TDP1: variants seen among roughly 807,000 people sequenced by gnomAD.
TDP1 encodes tyr-DNA phosphodiesterase 1.
TDP1 carries 64 observed loss-of-function variants against 81.5 expected under a neutral mutation model. The observed-to-expected ratio is 0.79, with a 90% CI of 0.64 to 0.97. The LOEUF (loss-of-function observed/expected upper bound fraction) is 0.97, where lower values mean the gene tolerates loss of function less well. Ranked by LOEUF, TDP1 falls within the 50% of genes least tolerant of loss-of-function variation. The probability of loss-of-function intolerance (pLI) is 0.00; values close to 1 mark genes in which losing one functional copy is unlikely to be tolerated. For synonymous variants in TDP1, 256 were observed against 264.3 expected (o/e 0.97, Z 0.30); for missense variants, 723 against 743.8 (o/e 0.97, Z 0.33).
intron 14 of TDP1, among the ~76,000 whole-genome samples, chr14:90,006,456 G>A (rs1897697008): frequency 6.6e-6 from 1 of 152,048 alleles, no homozygotes; most frequent in Non-Finnish European, 1.5e-5. Context: ...ACTGCTCACT[G>A]CATCCTTGAC....
chr14:90,025,397 T>A (rs1886536647), intron 15 of TDP1, among the ~76,000 whole-genome samples: 1 of 152,344 alleles, frequency 6.6e-6, no homozygotes, highest in African/African-American at 2.4e-5. Flanking sequence ...ATTTTTTTTC[T>A]TGTTTTTTTA....
chr14:90,027,970 CA>C (rs1165655875), intron 15 of TDP1, among the ~76,000 whole-genome samples: 2 of 152,224 alleles, frequency 1.3e-5, no homozygotes, highest in East Asian at 3.8e-4. Flanking sequence ...CATGGGTTTT[CA>C]GTCAAATCAG....
intron 16 of TDP1, among the ~76,000 whole-genome samples, chr14:90,040,031 C>G (rs867573972): frequency 2.0e-4 from 31 of 152,172 alleles, no homozygotes; most frequent in South Asian, 4.1e-4. Flanking sequence ...GCAGAAGAGG[C>G]ACACAGTATG....
intron 6 of TDP1, among the ~76,000 whole-genome samples, chr14:89,972,631 G>A (rs1028991090): frequency 1.4e-5 from 2 of 139,448 alleles, no homozygotes; most frequent in Admixed American, 7.0e-5. Flanking sequence ...TCTATTACAC[G>A]TGGCGCATTT....
At chr14:89,971,426 T>C (rs1432146637) in intron 6 of TDP1, among the ~76,000 whole-genome samples, 155 bp downstream of exon 6, 1 of 152,238 alleles carries the variant, frequency 6.6e-6, no homozygotes, top group African/African-American at 2.4e-5. Flanking sequence ...CTTCCTGAGA[T>C]AGAGCATCCC....
intron 8 of TDP1, 88 bp from the exon 9 acceptor site, chr14:89,984,428 T>C: frequency 6.2e-7 from 1 of 1,607,352 alleles, no homozygotes; most frequent in South Asian, 1.1e-5. Flanking sequence ...AGAATTCACC[T>C]CTTTCTTAGG....
At chr14:90,021,947 C>T (rs1886138429) in intron 15 of TDP1, among the ~76,000 whole-genome samples, 1 of 152,244 alleles carries the variant, frequency 6.6e-6, no homozygotes, top group Admixed American at 6.5e-5. Flanking sequence ...GGTGAGGCCC[C>T]ACTCACTATA....
intron 5 of TDP1, among the ~76,000 whole-genome samples, chr14:89,969,876 C>CT (rs5810477): frequency 0.81 from 98,626 of 122,510 alleles, 42,505 homozygotes; most frequent in East Asian, 0.95. Context: ...ATACTTATTT[C>CT]TTTTTTTTTT....
chr14:90,035,748 T>TTTTTTTTTA (rs1449576788), intron 16 of TDP1, among the ~76,000 whole-genome samples: 1 of 151,254 alleles, frequency 6.6e-6, no homozygotes, highest in African/African-American at 2.4e-5. Context: ...TTTTTTTTTT[T>TTTTTTTTTA]AACCCAAGTT....
Position 89,975,763 on chromosome 14 carries a change from A to T in TDP1, c.757-18A>T, listed in dbSNP as rs369200874. ...TTAGTGAGTTGTTTTTAAATAAATGACTTCTTTTTCATCCTAGGCAAAGTT... is the reference window on the plus strand; with the variant it reads ...TTAGTGAGTTGTTTTTAAATAAATGTCTTCTTTTTCATCCTAGGCAAAGTT... On this transcript the variant is annotated intron_variant, in intron 6 of 16. Coordinates refer to ENST00000335725, the MANE Select transcript of TDP1 (RefSeq NM_018319.4). 3.1e-6 allele frequency: 5 copies of T among 1,605,912 alleles called. No homozygotes were observed. The African/African-American group carries it at 4.0e-5, about 13-fold the overall frequency.
In TDP1 at chr14:89,963,134, A is replaced by G. The variant is rs1218333665; in HGVS notation, c.20A>G (p.Tyr7Cys). ...AGTATAATGTCTCAGGAAGGCGATT[A>G]TGGGAGGTGGACCATATCTAGTAGT... is the stretch of plus-strand genomic sequence containing the variant. MSQEGD[Y>C]GRWTISSSDE... The change falls in exon 3 of 17, where the codon TAT (tyrosine) becomes TGT (cysteine). Residue 7 changes from tyrosine (Y) to cysteine (C), a missense_variant. Tyr to Cys is a radical substitution (Grantham distance 194, BLOSUM62 -2). Transcript: ENST00000335725. 2 of 1,614,154 alleles carry G rather than the reference A, an allele frequency of 1.2e-6. No homozygotes were observed. The highest frequency in any genetic ancestry group is 2.2e-5 in the East Asian group (1 of 44,868).
chr14:90,027,754 G>A lies in TDP1; in HGVS notation c.1645-5352G>A, dbSNP rs77855616. ...GATTTGGCCTCCTTATTCTACTTCC[G>A]TAGGCCCCTTTTTCTCGTTGTACAA... is the stretch of plus-strand genomic sequence containing the variant. On this transcript the variant is annotated intron_variant, in intron 15 of 16. Transcript: ENST00000335725. Among the ~76,000 whole-genome samples, 970 of 152,268 alleles carry A rather than the reference G, an allele frequency of 6.4e-3. 11 individuals carry two copies. The highest frequency in any genetic ancestry group is 0.023 in the African/African-American group (942 of 41,554).
rs574787286 is a variant in TDP1, at chr14:89,993,004, T to C, written c.1434-372T>C. Reference sequence around the variant, plus strand: ...ATTCAACAAGCTTTTGCTGAGCCTCTACTCATAACACACCGTGGAAGCATG... The same window carrying C: ...ATTCAACAAGCTTTTGCTGAGCCTCCACTCATAACACACCGTGGAAGCATG... On this transcript the variant is annotated intron_variant, in intron 13 of 16. Coordinates refer to ENST00000335725, the MANE Select transcript of TDP1 (RefSeq NM_018319.4). 13 of 928,832 alleles carry C rather than the reference T, an allele frequency of 1.4e-5. No homozygotes were observed. In the East Asian group the frequency reaches 1.4e-3, roughly 100 times the overall value. The allele number at this position is 928,832 out of a possible 1,614,324, so 57.5% of individuals were successfully genotyped here.
chr14:89,991,660 A>G (rs576024983), intron 12 of TDP1: 1 of 984,952 alleles, frequency 1.0e-6, no homozygotes, highest in East Asian at 1.1e-4. Flanking sequence ...GTATATGATC[A>G]TCACTTACTT....
chr14:89,985,265 CTT>C (rs1895430625), intron 10 of TDP1, 55 bp downstream of exon 10: 1 of 1,005,368 alleles, frequency 9.9e-7, no homozygotes, highest in Non-Finnish European at 1.5e-6. Flanking sequence ...TATATTCTCT[CTT>C]TTAAAATAAT....
chr14:89,983,201 C>T (rs1291713905), intron 8 of TDP1: 2 of 454,170 alleles, frequency 4.4e-6, no homozygotes, highest in Non-Finnish European at 8.8e-6. Flanking sequence ...AGGTCCTCCA[C>T]GTCTGTCCAG....
At chr14:89,969,485 GAATT>G (rs978385944) in intron 5 of TDP1, among the ~76,000 whole-genome samples, 1 of 152,110 alleles carries the variant, frequency 6.6e-6, no homozygotes, top group Non-Finnish European at 1.5e-5. Context: ...AAATTTGAAA[GAATT>G]AATGAGGACT....
At chr14:89,984,249 A>C in intron 8 of TDP1, 2 of 985,462 alleles carry the variant, frequency 2.0e-6, no homozygotes, top group Non-Finnish European at 2.4e-6. Flanking sequence ...GAGAGGGAGC[A>C]TGGAGGGATG....
rs753608896 is a variant in TDP1 at position 89,988,894 on chromosome 14, T to C, written c.1132-11T>C. On this transcript the variant is annotated splice_polypyrimidine_tract_variant and intron_variant, in intron 10 of 16. Transcript: ENST00000335725. ...TGAGTCACTTTAACATTCACTTTTATTCTTTCCCAGCTTCTGAAAGACCAT... is the reference window on the plus strand; with the variant it reads ...TGAGTCACTTTAACATTCACTTTTACTCTTTCCCAGCTTCTGAAAGACCAT... The C allele has an allele frequency of 1.9e-6, 3 of 1,614,012 alleles. No homozygotes were observed. The highest frequency in any genetic ancestry group is 2.5e-6 in the Non-Finnish European group (3 of 1,179,894).
Sources: allele counts gnomAD v4.1 joint callset (sites outside exome capture counted in the v4.1 genomes callset), GRCh38; gene constraint gnomAD v4.1.1; transcripts MANE v1.5; gene names NCBI Gene and HGNC (gene_info 2026-07-23, HGNC 2026-07-21).